Variants in MYOCD observed in about 807,000 individuals in gnomAD.
MYOCD encodes myocardin.
In MYOCD, 32 loss-of-function variants were observed where a neutral mutation model predicts 96.1. That is an observed-to-expected ratio of 0.33 (90% CI 0.25 to 0.45). The LOEUF is 0.45. MYOCD is among the 20% of genes least tolerant of loss of function. The pLI, the probability that MYOCD is intolerant of heterozygous loss-of-function variation, is 1.00. For missense variants in MYOCD, 1,133 were observed against 1,200.6 expected (o/e 0.94, Z 0.83); for synonymous variants, 469 against 469.0 (o/e 1.00, Z 0.00).
intron 7 of MYOCD, among the ~76,000 whole-genome samples, chr17:12,740,335 C>T (rs1038908074): frequency 3.9e-5 from 6 of 152,156 alleles, no homozygotes; most frequent in African/African-American, 7.2e-5. Context: ...TCCCAATCTT[C>T]CCCCAATCCC....
intron 1 of MYOCD, among the ~76,000 whole-genome samples, chr17:12,690,630 T>G (rs544437412): frequency 6.6e-6 from 1 of 152,330 alleles, no homozygotes; most frequent in African/African-American, 2.4e-5. Flanking sequence ...TTTGCTTATT[T>G]CGATTTCTCA....
At chr17:12,760,968 G>T (rs2033152850) in intron 13 of MYOCD, 1 of 368,444 alleles carries the variant, frequency 2.7e-6, no homozygotes, top group East Asian at 4.2e-5. Context: ...CCTAATCCTT[G>T]TTTCCTTAAG....
At chr17:12,712,261 C>T (rs2031504291) in intron 2 of MYOCD, among the ~76,000 whole-genome samples, 1 of 152,186 alleles carries the variant, frequency 6.6e-6, no homozygotes, top group Non-Finnish European at 1.5e-5. Context: ...GTCTCTGGCT[C>T]TTTAATTCTT....
intron 3 of MYOCD, among the ~76,000 whole-genome samples, chr17:12,715,962 C>T (rs2031627311): frequency 6.6e-6 from 1 of 152,122 alleles, no homozygotes; most frequent in African/African-American, 2.4e-5. Context: ...AAGGGTAAGG[C>T]ATGGTTTATG....
At position 12,719,698 on chromosome 17, in the gene MYOCD, CA is replaced by C. The variant is rs57311284; in HGVS notation, c.253+2296del. Among the ~76,000 whole-genome samples the C allele has an allele frequency of 2.6e-3, 276 of 106,294 alleles. 2 individuals carry two copies. The highest frequency in any genetic ancestry group is 9.2e-3 in the East Asian group (34 of 3,694). 69.7% of individuals were successfully genotyped at this position (106,294 alleles called of 152,430 possible). ...TGAAACCCCGTCTGTACTAAAAATACAAAAAAAAAAAAAAAAAAATTAGCCG... is the reference window on the plus strand; with the variant it reads ...TGAAACCCCGTCTGTACTAAAAATACAAAAAAAAAAAAAAAAAATTAGCCG... On this transcript the variant is annotated intron_variant, in intron 4 of 13. Coordinates refer to ENST00000425538, the MANE Select transcript of MYOCD (RefSeq NM_001146312.3).
chr17:12,728,763 G>A (rs1320899959), intron 5 of MYOCD, among the ~76,000 whole-genome samples: 4 of 152,170 alleles, frequency 2.6e-5, no homozygotes, highest in Non-Finnish European at 4.4e-5. Flanking sequence ...ACAGGCGTGA[G>A]CCACCGTGCC....
chr17:12,715,938 A>T lies in MYOCD; in HGVS notation c.177+364A>T, dbSNP rs188467775. ...CATTTCTTAACAACAATCAGATTTTAAAAAATCCAATTCAAGGGTAAGGCA... is the reference window on the plus strand; with the variant it reads ...CATTTCTTAACAACAATCAGATTTTTAAAAATCCAATTCAAGGGTAAGGCA... On this transcript the variant is annotated intron_variant, in intron 3 of 13. Coordinates refer to ENST00000425538, the MANE Select transcript of MYOCD (RefSeq NM_001146312.3). 3.3e-3 allele frequency among the ~76,000 whole-genome samples: 499 copies of T among 152,260 alleles called. 1 individual carries two copies. Among genetic ancestry groups the T allele is most frequent in the Middle Eastern group, 0.02 (6 of 294 alleles).
At chr17:12,691,464 G>A (rs79110537) in intron 1 of MYOCD, among the ~76,000 whole-genome samples, 4,590 of 152,154 alleles carry the variant, frequency 0.03, 180 homozygotes, top group Admixed American at 0.11. Context: ...TGTGTTGGTC[G>A]GAACAGTCAC....
chr17:12,693,545 G>A (rs1374681789), intron 1 of MYOCD, among the ~76,000 whole-genome samples: 4 of 151,800 alleles, frequency 2.6e-5, no homozygotes, highest in Admixed American at 6.6e-5. Flanking sequence ...GGGAGGCAGC[G>A]GTGGCAGTGA....
At chr17:12,667,283 T>C (rs1417568221) in intron 1 of MYOCD, among the ~76,000 whole-genome samples, 1 of 152,200 alleles carries the variant, frequency 6.6e-6, no homozygotes, top group East Asian at 1.9e-4. Context: ...GTGACTTTCT[T>C]AGATGCCCTT....
intron 1 of MYOCD, among the ~76,000 whole-genome samples, chr17:12,676,964 T>C (rs1159183358): frequency 1.3e-5 from 2 of 152,182 alleles, no homozygotes; most frequent in East Asian, 1.9e-4. Flanking sequence ...GAAAAGCATA[T>C]AAAAAGTGCT....
chr17:12,683,450 C>G (rs1344192979), intron 1 of MYOCD, among the ~76,000 whole-genome samples: 2 of 152,176 alleles, frequency 1.3e-5, no homozygotes, highest in Admixed American at 6.5e-5. Flanking sequence ...CTGTCGCTTT[C>G]TCTCGTGCGC....
rs201316990 is a variant in MYOCD, at chr17:12,763,451, G to C, written c.2768G>C (p.Ser923Thr). Residue 923 changes from serine to threonine, a missense_variant, in exon 14 of 14, where the codon AGC (serine) becomes ACC (threonine). By Grantham distance (58) the Ser-to-Thr change is moderately conservative. Transcript: ENST00000425538. Reference protein sequence around the residue: ...QTQFSPSSVDSNGLQLSFTES... With the variant: ...QTQFSPSSVDTNGLQLSFTES... ...CAGTTTTCACCCTCTTCTGTGGACA[G>C]CAATGGGCTGCAGTTAAGCTTCACT... 1.6e-4 allele frequency: 255 copies of C among 1,613,938 alleles called. 1 individual carries two copies. The highest frequency in any genetic ancestry group is 1.9e-4 in the Non-Finnish European group (229 of 1,179,976).
chr17:12,744,201 A>G lies in MYOCD; in HGVS notation c.736A>G (p.Ser246Gly), dbSNP rs1481233135. Reference sequence around the variant, plus strand: ...TTTGCAGTCCAAATCCTTGGGTGACAGTAAGAACCGCCACAAAAAGCCCAA... The same window carrying G: ...TTTGCAGTCCAAATCCTTGGGTGACGGTAAGAACCGCCACAAAAAGCCCAA... ...AAVKSKSLGD[S>G]KNRHKKPKDP... The change falls in exon 8 of 14, where the codon AGT (serine) becomes GGT (glycine). Residue 246 changes from serine to glycine, a missense_variant. Physicochemically the swap from Ser to Gly is moderately conservative, Grantham distance 56. Coordinates refer to ENST00000425538, the MANE Select transcript of MYOCD (RefSeq NM_001146312.3). 23 of 1,614,048 alleles carry G rather than the reference A, an allele frequency of 1.4e-5. No individual in the cohort carries two copies. Among genetic ancestry groups the G allele is most frequent in the Non-Finnish European group, 1.7e-5 (20 of 1,180,032 alleles).
intron 11 of MYOCD, among the ~76,000 whole-genome samples, chr17:12,757,525 C>T (rs187066036): frequency 3.5e-4 from 54 of 152,278 alleles, no homozygotes; most frequent in East Asian, 2.9e-3. Context: ...GAGACACAGT[C>T]TCACTCTGTC....
rs1035493459 is a variant in MYOCD, at chr17:12,764,936, C to T, written c.*1292C>T. On this transcript the variant is annotated 3_prime_UTR_variant, in exon 14 of 14. Coordinates refer to ENST00000425538, the MANE Select transcript of MYOCD (RefSeq NM_001146312.3). ...AACTGGTGACTTGGTCCATCAGTCA[C>T]GAAGTTCTTTCTATTCTCGTTTAGT... The T allele has an allele frequency of 4.6e-5, 7 of 152,140 alleles. No individual in the cohort carries two copies. The highest frequency in any genetic ancestry group is 8.8e-5 in the Non-Finnish European group (6 of 68,032). The allele number at this position is 152,140 out of a possible 1,614,324, so 9.4% of individuals were successfully genotyped here.
At chr17:12,689,676 C>A (rs1462245151) in intron 1 of MYOCD, among the ~76,000 whole-genome samples, 1 of 151,996 alleles carries the variant, frequency 6.6e-6, no homozygotes, top group Non-Finnish European at 1.5e-5. Flanking sequence ...TACTAAAATA[C>A]AAAAATTAGC....
intron 5 of MYOCD, among the ~76,000 whole-genome samples, chr17:12,733,772 C>T (rs1014221821): frequency 1.4e-4 from 21 of 151,564 alleles, no homozygotes; most frequent in Admixed American, 3.9e-4. Flanking sequence ...GAGGCTGAGG[C>T]CAGAGAATCA....
chr17:12,717,061 G>A (rs569110397), intron 3 of MYOCD, among the ~76,000 whole-genome samples: 1 of 146,744 alleles, frequency 6.8e-6, no homozygotes, highest in Admixed American at 6.9e-5. Context: ...ACAGCCTAGT[G>A]TTCTGTTATA....
Sources: allele counts gnomAD v4.1 joint callset (sites outside exome capture counted in the v4.1 genomes callset), GRCh38; gene constraint gnomAD v4.1.1; transcripts MANE v1.5; gene names NCBI Gene and HGNC (gene_info 2026-07-23, HGNC 2026-07-21).